Variants in REXO1 observed in about 807,000 individuals in gnomAD.
REXO1 encodes RNA exonuclease 1 homolog, also known as REX1, RNA exonuclease 1 homolog.
A neutral mutation model predicts 102.6 loss-of-function variants in REXO1; 42 were observed. That is an observed-to-expected ratio of 0.41 (90% CI 0.32 to 0.53). The LOEUF is 0.53. Ranked by LOEUF, REXO1 falls within the 20% of genes least tolerant of loss-of-function variation. The probability of loss-of-function intolerance (pLI) is 0.27; values close to 1 mark genes in which losing one functional copy is unlikely to be tolerated. For missense variants in REXO1, 1,819 were observed against 1,732.5 expected (o/e 1.05, Z -0.89); for synonymous variants, 908 against 779.1 (o/e 1.17, Z -2.76).
chr19:1,821,800 G>T (rs2145250691), intron 4 of REXO1, 118 bp from the exon 5 acceptor site: 1 of 907,396 alleles, frequency 1.1e-6, no homozygotes, highest in Non-Finnish European at 1.6e-6. Flanking sequence ...GCGTGCAGGG[G>T]GCCGGGCCAG....
rs2069362729 is a variant in REXO1 at position 1,816,365 on chromosome 19, TC to T, written c.3457-21del. The T allele has an allele frequency of 6.3e-7, 1 of 1,590,290 alleles. No homozygotes were observed. The highest frequency in any genetic ancestry group is 1.1e-5 in the South Asian group (1 of 88,970). ...GATGACCTGTGGGCAGCGGCAGAGA[TC>T]AGCGCACGTGGGGCCTGCGCAGGTC... On this transcript the variant is annotated intron_variant, in intron 14 of 15. Coordinates refer to ENST00000170168, the MANE Select transcript of REXO1 (RefSeq NM_020695.4).
intron 1 of REXO1, among the ~76,000 whole-genome samples, chr19:1,846,875 AG>A (rs1340159745): frequency 6.6e-6 from 1 of 152,216 alleles, no homozygotes; most frequent in East Asian, 1.9e-4. Context: ...CCTGGACTAT[AG>A]AGTGAGACCC....
rs1327150406 is a variant in REXO1, at chr19:1,821,562, G to A, written c.2351C>T (p.Thr784Ile). 6.2e-7 allele frequency: 1 copy of A among 1,613,850 alleles called. No homozygotes were observed. Among genetic ancestry groups the A allele is most frequent in the Non-Finnish European group, 8.5e-7 (1 of 1,179,924 alleles). ...TLSGMASKTT[T>I]TIIPKRIAHS... is the part of the protein sequence containing the mutation. ...GGCGATTCGCTTAGGGATGATGGTG[G>A]TGGTAGTCTTGGACGCCATCCCCGA... is the stretch of plus-strand genomic sequence containing the variant. Residue 784 changes from threonine (T) to isoleucine (I), a missense_variant, in exon 5 of 16, where the codon ACC (threonine) becomes ATC (isoleucine). Physicochemically the swap from Thr to Ile is moderately conservative, Grantham distance 89. Coordinates refer to ENST00000170168, the MANE Select transcript of REXO1 (RefSeq NM_020695.4).
At chr19:1,833,771 A>T (rs944474283) in intron 1 of REXO1, among the ~76,000 whole-genome samples, 2 of 152,216 alleles carry the variant, frequency 1.3e-5, no homozygotes, top group African/African-American at 4.8e-5. Context: ...GCCCTCCCCC[A>T]GCCCCGGAAG....
chr19:1,845,972 G>A (rs1231990079), intron 1 of REXO1, among the ~76,000 whole-genome samples: 5 of 152,160 alleles, frequency 3.3e-5, no homozygotes, highest in Admixed American at 6.5e-5. Flanking sequence ...TTTCCCCACC[G>A]GCAGCAAATA....
chr19:1,828,824 G>A (rs2069825847), intron 1 of REXO1, among the ~76,000 whole-genome samples, 193 bp from the exon 2 acceptor site: 1 of 152,266 alleles, frequency 6.6e-6, no homozygotes. Context: ...CCTGTGCCGG[G>A]CCCCGCCTTG....
Position 1,848,373 on chromosome 19 carries a change from C to G in REXO1, c.-15G>C. On this transcript the variant is annotated 5_prime_UTR_variant, in exon 1 of 16. Transcript: ENST00000170168. ...GAGCGTAGCATGGTCCGTCCCGCGGCGGGGCCCCGGCCCGGAGCCGCCCGG... is the reference window on the plus strand; with the variant it reads ...GAGCGTAGCATGGTCCGTCCCGCGGGGGGGCCCCGGCCCGGAGCCGCCCGG... The G allele has an allele frequency of 8.3e-7, 1 of 1,201,466 alleles. No homozygotes were observed. 74.4% of individuals were successfully genotyped at this position (1,201,466 alleles called of 1,614,324 possible).
chr19:1,842,078 G>C (rs192581720), intron 1 of REXO1, among the ~76,000 whole-genome samples: 8 of 152,152 alleles, frequency 5.3e-5, no homozygotes, highest in African/African-American at 1.9e-4. Flanking sequence ...AGGCGTGGTA[G>C]CAGGTGCCTG....
Position 1,820,049 on chromosome 19 carries a change from G to A in REXO1, c.2535C>T (p.Asn845=), listed in dbSNP as rs141481685. ...TGCGGTCATAGGCCACCTTCTCCTC[G>A]TTCAGTGCCTGGGGGACAGGCGGTG... The part of the protein sequence containing the change: ...SNQEAIEKAL[N]EEKVAYDRSP... The change falls in exon 7 of 16, where the codon AAC becomes AAT. Residue 845 remains asparagine, a synonymous_variant. Coordinates refer to ENST00000170168, the MANE Select transcript of REXO1 (RefSeq NM_020695.4). The A allele has an allele frequency of 2.4e-4, 391 of 1,603,320 alleles. 1 individual carries two copies. In the African/African-American group the frequency reaches 4.4e-3, roughly 18 times the overall value.
rs1021477418 is a variant in REXO1, at chr19:1,819,261, A to G, written c.2651-130T>C. 11 of 617,170 alleles carry G rather than the reference A, an allele frequency of 1.8e-5. No individual in the cohort carries two copies. In the Admixed American group the frequency reaches 5.1e-4, roughly 29 times the overall value. The allele number at this position is 617,170 out of a possible 1,614,324, so 38.2% of individuals were successfully genotyped here. ...CTCCCCCTTTCTGGGACAGCACCCC[A>G]CTGACCCCGGGTTCCAGCCTGACCC... is the stretch of plus-strand genomic sequence containing the variant. On this transcript the variant is annotated intron_variant, in intron 7 of 15. Transcript: ENST00000170168.
intron 5 of REXO1, 56 bp downstream of exon 5, chr19:1,821,463 G>A (rs1047204419): frequency 1.9e-5 from 30 of 1,604,954 alleles, no homozygotes; most frequent in South Asian, 8.8e-5. Context: ...CCATGTGGCC[G>A]GGCCTCAGGG....
chr19:1,844,536 A>G lies in REXO1; in HGVS notation c.157+3666T>C, dbSNP rs528418128. On this transcript the variant is annotated intron_variant, in intron 1 of 15. Transcript: ENST00000170168. ...GGGCTTCAGTAGATACTGGGTACAC[A>G]GTGGGTGGGCTTCAGGGCTCCCCAT... Among the ~76,000 whole-genome samples, 45 of 152,242 alleles carry G rather than the reference A, an allele frequency of 3.0e-4. 1 individual carries two copies. In the South Asian group the frequency reaches 9.3e-3, roughly 32 times the overall value.
chr19:1,824,797 T>TCTAC (rs1283269503), intron 3 of REXO1, among the ~76,000 whole-genome samples: 1 of 151,604 alleles, frequency 6.6e-6, no homozygotes, highest in Non-Finnish European at 1.5e-5. Flanking sequence ...TATGTATTTA[T>TCTAC]CTTTTTGAGA....
intron 11 of REXO1, 97 bp downstream of exon 11, chr19:1,817,610 G>T: frequency 1.4e-6 from 2 of 1,468,508 alleles, no homozygotes; most frequent in South Asian, 1.3e-5. Context: ...CAGACCCTGA[G>T]CCCAGGACTG....
Position 1,823,617 on chromosome 19 carries a change from C to A in REXO1, c.2185G>T (p.Glu729Ter), listed in dbSNP as rs377735070. Reference protein sequence around the residue: ...SPSVHISAPGEKRRIAHIPNP... With the variant: ...SPSVHISAPG ...GGGATGTGGGCGATCCTCCTCTTCT[C>A]GCCAGGGGCGGAAATGTGGACGGAG... The change falls in exon 4 of 16, where the codon GAG becomes TAG. Residue 729 changes from glutamate to a stop codon, truncating the protein, a stop_gained. Transcript: ENST00000170168. LOFTEE classifies it high-confidence loss of function. 7.6e-7 allele frequency: 1 copy of A among 1,321,850 alleles called. No individual in the cohort carries two copies. The highest frequency in any genetic ancestry group is 9.7e-7 in the Non-Finnish European group (1 of 1,027,320). The allele number at this position is 1,321,850 out of a possible 1,614,324, so 81.9% of individuals were successfully genotyped here.
At chr19:1,847,997 C>G (rs1481617117) in intron 1 of REXO1, among the ~76,000 whole-genome samples, 1 of 152,258 alleles carries the variant, frequency 6.6e-6, no homozygotes, top group Non-Finnish European at 1.5e-5. Context: ...ACATTTCACA[C>G]TCGTGAAGAC....
In REXO1 at chr19:1,826,217, T is replaced by C. The variant is rs1157983137; in HGVS notation, c.1912-274A>G. On this transcript the variant is annotated intron_variant, in intron 2 of 15. Transcript: ENST00000170168. This position sits in a 1 kb window ranked among gnomAD's most constrained non-coding sequence, Gnocchi z 4.3. ...CCAGGGCTGCAGAATGAAAGCACAC[T>C]GGGAAAGCGAGGCCACCTTGGGCCG... is the stretch of plus-strand genomic sequence containing the variant. Among the ~76,000 whole-genome samples, 1 of 152,004 alleles carries C rather than the reference T, an allele frequency of 6.6e-6. No homozygotes were observed. The highest frequency in any genetic ancestry group is 1.5e-5 in the Non-Finnish European group (1 of 67,990).
chr19:1,817,937 G>A (rs988000760), intron 10 of REXO1, among the ~76,000 whole-genome samples, 157 bp from the exon 11 acceptor site: 24 of 152,184 alleles, frequency 1.6e-4, no homozygotes, highest in African/African-American at 3.1e-4. Flanking sequence ...ACCAGGCCCC[G>A]GCAGTCGTGT....
Position 1,819,125 on chromosome 19 carries a change from C to T in REXO1, c.2657G>A (p.Ser886Asn), listed in dbSNP as rs1227791581. Residue 886 changes from serine (S) to asparagine (N), a missense_variant, in exon 8 of 16, where the codon AGT (serine) becomes AAT (asparagine). Physicochemically the swap from Ser to Asn is conservative, Grantham distance 46. Transcript: ENST00000170168. ...CTCGTGGGACACAACCCTGCGGCCA[C>T]TGGTTTCTGGAAGGAAGGGAGGGAG... ...PSAVPGLSKT[S>N]GRRVVSHEVV... 3 of 1,570,050 alleles carry T rather than the reference C, an allele frequency of 1.9e-6. No homozygotes were observed. The highest frequency in any genetic ancestry group is 2.6e-6 in the Non-Finnish European group (3 of 1,154,852).
Sources: gnomAD v4.1 joint callset for allele counts (sites outside exome capture counted in the v4.1 genomes callset) on GRCh38, gnomAD v4.1.1 for gene constraint, Gnocchi (gnomAD v3.1) non-coding constraint, MANE v1.5 for transcripts, NCBI Gene and HGNC (gene_info 2026-07-23, HGNC 2026-07-21) for gene names.